Variants in PUS10 observed in about 807,000 individuals in gnomAD.
PUS10 encodes tRNA pseudouridine synthase Pus10.
A neutral mutation model predicts 75.0 loss-of-function variants in PUS10; 59 were observed. The observed-to-expected ratio is 0.79, with a 90% CI of 0.64 to 0.98. PUS10 has a LOEUF of 0.98. PUS10 is among the 50% of genes least tolerant of loss of function. PUS10 has a pLI of 0.00. For synonymous variants in PUS10, 219 were observed against 211.6 expected (o/e 1.03, Z -0.30); for missense variants, 650 against 614.4 (o/e 1.06, Z -0.61).
intron 4 of PUS10, among the ~76,000 whole-genome samples, chr2:60,983,154 A>T (rs944192043): frequency 6.6e-6 from 1 of 152,116 alleles, no homozygotes; most frequent in African/African-American, 2.4e-5. Context: ...TGGTCTCCCA[A>T]AGTGCTGGGA....
intron 4 of PUS10, among the ~76,000 whole-genome samples, chr2:60,984,985 C>A (rs1413943203): frequency 1.3e-5 from 2 of 152,116 alleles, no homozygotes; most frequent in East Asian, 3.8e-4. Context: ...TTACATACTT[C>A]TGAGTTGTTT....
Position 60,960,424 on chromosome 2 carries a change from G to T in PUS10, c.968C>A (p.Ser323Ter). 6.4e-7 allele frequency: 1 copy of T among 1,573,264 alleles called. No homozygotes were observed. Among genetic ancestry groups the T allele is most frequent in the Admixed American group, 2.0e-5 (1 of 50,890 alleles). Reference protein sequence around the residue: ...KLESSVEELISDHLLAVFKAE... With the variant: ...KLESSVEELI ...TTTAAATACTGCCAACAGATGATCT[G>T]AAATTAATTCTTCCACTGAAGATTC... is the stretch of plus-strand genomic sequence containing the variant. Residue 323 changes from serine to a stop codon, truncating the protein, a stop_gained, in exon 11 of 18, where the codon TCA becomes TAA. Coordinates refer to ENST00000316752, the MANE Select transcript of PUS10 (RefSeq NM_144709.4). LOFTEE classifies it high-confidence loss of function.
chr2:60,974,387 T>C (rs1676897824), intron 4 of PUS10, among the ~76,000 whole-genome samples: 1 of 152,106 alleles, frequency 6.6e-6, no homozygotes, highest in South Asian at 2.1e-4. Context: ...ATAAAGCTCC[T>C]TTTCATCTTG....
intron 5 of PUS10, among the ~76,000 whole-genome samples, chr2:60,969,988 A>C (rs555806678): frequency 6.6e-6 from 1 of 152,204 alleles, no homozygotes; most frequent in African/African-American, 2.4e-5. Flanking sequence ...GCTAGTTGGG[A>C]GGCTGAGGCA....
intron 5 of PUS10, among the ~76,000 whole-genome samples, chr2:60,970,691 C>T (rs182988878): frequency 1.7e-3 from 259 of 152,246 alleles, no homozygotes; most frequent in African/African-American, 6.0e-3. Flanking sequence ...TGATCTCTAA[C>T]ATCATATCAC....
At chr2:60,988,337 A>G (rs1280457222) in intron 4 of PUS10, among the ~76,000 whole-genome samples, 10 of 152,142 alleles carry the variant, frequency 6.6e-5, no homozygotes, top group Non-Finnish European at 1.5e-4. Context: ...TACTATAAAT[A>G]AAATTTTGAC....
At chr2:60,963,433 A>C (rs1279121837) in intron 8 of PUS10, among the ~76,000 whole-genome samples, 3 of 152,238 alleles carry the variant, frequency 2.0e-5, no homozygotes, top group Admixed American at 6.5e-5. Context: ...AATCCACTGT[A>C]CTGAACAGAA....
intron 1 of PUS10, among the ~76,000 whole-genome samples, chr2:61,015,359 G>A (rs574370205): frequency 2.0e-5 from 3 of 152,164 alleles, no homozygotes; most frequent in African/African-American, 4.8e-5. Flanking sequence ...AATTAGCCAC[G>A]TGTGGAGGTG....
intron 4 of PUS10, among the ~76,000 whole-genome samples, chr2:60,980,436 A>G (rs560046105): frequency 6.6e-6 from 1 of 152,336 alleles, no homozygotes; most frequent in South Asian, 2.1e-4. Flanking sequence ...AATCCAGCAC[A>G]ACCATCAGAG....
intron 4 of PUS10, among the ~76,000 whole-genome samples, chr2:60,987,327 C>T (rs1342295026): frequency 6.6e-6 from 1 of 151,854 alleles, no homozygotes; most frequent in Non-Finnish European, 1.5e-5. Flanking sequence ...TAATTCCTGT[C>T]CAATTTAAAT....
Position 61,018,159 on chromosome 2 carries a change from C to CA in PUS10, c.-168dup, listed in dbSNP as rs1680140872. 6.4e-7 allele frequency: 1 copy of CA among 1,550,744 alleles called. No homozygotes were observed. Among genetic ancestry groups the CA allele is most frequent in the Non-Finnish European group, 8.7e-7 (1 of 1,146,840 alleles). On this transcript the variant is annotated 5_prime_UTR_variant, in exon 1 of 18. It introduces an in-frame stop codon into an upstream open reading frame of the 5' UTR. Coordinates refer to ENST00000316752, the MANE Select transcript of PUS10 (RefSeq NM_144709.4). ...CCTACCGCTTCTGTTTTCACTTTGA[C>CA]AGAATGGCTTCTCTATCTTTAAAGC...
chr2:61,018,217 A>AT lies in PUS10; in HGVS notation c.-226dup. The stretch of plus-strand genomic sequence containing the variant: ...TTGGTCTGTAGCAGTTGAGAGCGGC[A>AT]TTTGTCCAGCCACGGCATCGACAGG... On this transcript the variant is annotated 5_prime_UTR_variant, in exon 1 of 18. The change creates a new upstream start codon in the 5' untranslated region. Coordinates refer to ENST00000316752, the MANE Select transcript of PUS10 (RefSeq NM_144709.4). 1 of 1,550,982 alleles carries AT rather than the reference A, an allele frequency of 6.4e-7. No homozygotes were observed. Among genetic ancestry groups the AT allele is most frequent in the Non-Finnish European group, 8.7e-7 (1 of 1,146,886 alleles).
rs923594073 is a variant in PUS10, at chr2:61,008,946, G to A, written c.196C>T (p.Pro66Ser). 1 of 1,612,600 alleles carries A rather than the reference G, an allele frequency of 6.2e-7. No homozygotes were observed. The highest frequency in any genetic ancestry group is 8.5e-7 in the Non-Finnish European group (1 of 1,179,010). ...TGCAGTCGAATTTTCTTGGGAGGTG[G>A]GTTCATAACTTCCAAAATTAATTCA... Reference protein sequence around the residue: ...KDELILEVMNPPPKKIRLQEL... With the variant: ...KDELILEVMNSPPKKIRLQEL... Residue 66 changes from proline (P) to serine (S), a missense_variant, in exon 3 of 18, where the codon CCA becomes TCA. Coordinates refer to ENST00000316752, the MANE Select transcript of PUS10 (RefSeq NM_144709.4).
intron 1 of PUS10, among the ~76,000 whole-genome samples, chr2:61,015,142 G>A (rs1040162768): frequency 6.6e-5 from 10 of 152,164 alleles, no homozygotes; most frequent in Non-Finnish European, 1.5e-4. Context: ...GGTTGCCTAA[G>A]TAAATTTGGG....
At chr2:60,971,818 AT>A (rs1196244057) in intron 4 of PUS10, among the ~76,000 whole-genome samples, 1 of 133,610 alleles carries the variant, frequency 7.5e-6, no homozygotes, top group Non-Finnish European at 1.6e-5. Flanking sequence ...ACAGATTTCT[AT>A]TTCTCATTAA....
In PUS10 at chr2:61,017,601, G is replaced by C. The variant is rs1387148165; in HGVS notation, c.-16+407C>G. On this transcript the variant is annotated intron_variant, in intron 1 of 17. Transcript: ENST00000316752. ...ATTAGTGGCATCCTCCCGCTGTATG[G>C]ATTCAGCTGGCAAAGTAACTCAAGC... 1.2e-5 allele frequency: 7 copies of C among 587,150 alleles called. No homozygotes were observed. The African/African-American group carries it at 1.3e-4, about 11-fold the overall frequency. The allele number at this position is 587,150 out of a possible 1,614,324, so 36.4% of individuals were successfully genotyped here.
At chr2:60,994,223 T>C (rs1678303961) in intron 4 of PUS10, among the ~76,000 whole-genome samples, 1 of 151,910 alleles carries the variant, frequency 6.6e-6, no homozygotes, top group African/African-American at 2.4e-5. Flanking sequence ...TGTGTCTGAC[T>C]TCAAGGTAGC....
chr2:60,961,421 G>A, intron 10 of PUS10, 42 bp downstream of exon 10: 1 of 1,414,140 alleles, frequency 7.1e-7, no homozygotes, highest in Non-Finnish European at 1.0e-6. Flanking sequence ...AGAAAGGAGA[G>A]TACGTTCACA....
intron 4 of PUS10, among the ~76,000 whole-genome samples, chr2:60,981,005 C>T (rs1677355240): frequency 6.6e-6 from 1 of 152,110 alleles, no homozygotes; most frequent in Non-Finnish European, 1.5e-5. Context: ...ATTCTCCTGC[C>T]TCAGCCTCCT....
Sources: allele counts gnomAD v4.1 joint callset (sites outside exome capture counted in the v4.1 genomes callset), GRCh38; gene constraint gnomAD v4.1.1; transcripts MANE v1.5; gene names NCBI Gene and HGNC (gene_info 2026-07-23, HGNC 2026-07-21).